The following TFAP2E variants were observed in gnomAD, a reference collection of about 807,000 sequenced individuals.
TFAP2E encodes the protein transcription factor AP-2 epsilon.
A neutral mutation model predicts 37.9 loss-of-function variants in TFAP2E; 30 were observed. The observed-to-expected ratio is 0.79, with a 90% CI of 0.59 to 1.07. The LOEUF (loss-of-function observed/expected upper bound fraction) is 1.07. Ranked by LOEUF, TFAP2E falls within the 50% of genes least tolerant of loss-of-function variation. TFAP2E has a pLI of 0.00. For synonymous variants in TFAP2E, 318 were observed against 295.8 expected (o/e 1.08, Z -0.77); for missense variants, 567 against 637.9 (o/e 0.89, Z 1.20).
intron 3 of TFAP2E, among the ~76,000 whole-genome samples, chr1:35,582,067 G>C (rs2148548861): frequency 6.6e-6 from 1 of 151,994 alleles, no homozygotes; most frequent in East Asian, 1.9e-4. Flanking sequence ...GTTGAGACGG[G>C]GTTTCACCAC....
chr1:35,589,235 T>TGTGTGA (rs1207787722), intron 4 of TFAP2E, among the ~76,000 whole-genome samples: 1 of 137,610 alleles, frequency 7.3e-6, no homozygotes, highest in Non-Finnish European at 1.6e-5. Flanking sequence ...TGTGTGTGTG[T>TGTGTGA]GATTGCCTGT....
rs1201877464 is a variant in TFAP2E, at chr1:35,577,127, G to A, written c.562+2127G>A. Among the ~76,000 whole-genome samples the A allele has an allele frequency of 6.6e-6, 1 of 152,244 alleles. No individual in the cohort carries two copies. The highest frequency in any genetic ancestry group is 1.5e-5 in the Non-Finnish European group (1 of 68,040). On this transcript the variant is annotated intron_variant, in intron 3 of 6. Coordinates refer to ENST00000373235, the MANE Select transcript of TFAP2E (RefSeq NM_178548.4). The surrounding 1 kb of genome is among the most constrained non-coding windows in gnomAD (Gnocchi z 6.3). ...GCGCCCTGGACGCCCCAGCCTAGACGTCAAGTTACAGCCCGCGCAGCAGCA... is the reference window on the plus strand; with the variant it reads ...GCGCCCTGGACGCCCCAGCCTAGACATCAAGTTACAGCCCGCGCAGCAGCA...
intron 3 of TFAP2E, among the ~76,000 whole-genome samples, chr1:35,587,680 T>C (rs932707695): frequency 6.7e-6 from 1 of 149,650 alleles, no homozygotes; most frequent in Non-Finnish European, 1.5e-5. Context: ...AAAATTAACT[T>C]CTCAGATTCC....
chr1:35,590,588 G>C lies in TFAP2E; in HGVS notation c.905-46G>C. The C allele has an allele frequency of 2.1e-6, 3 of 1,416,750 alleles. No homozygotes were observed. The highest frequency in any genetic ancestry group is 2.8e-6 in the Non-Finnish European group (3 of 1,074,516). The allele number at this position is 1,416,750 out of a possible 1,614,324, so 87.8% of individuals were successfully genotyped here. On this transcript the variant is annotated intron_variant, in intron 5 of 6. Coordinates refer to ENST00000373235, the MANE Select transcript of TFAP2E (RefSeq NM_178548.4). The surrounding 1 kb of genome is among the most constrained non-coding windows in gnomAD (Gnocchi z 6.2). ...GTCAGAGGTTCAAAGCTGTGTTCCA[G>C]GCGCAGAGGTACACCCTGCAGTAGT...
At position 35,574,028 on chromosome 1, in the gene TFAP2E, C is replaced by T; in HGVS notation, c.129C>T (p.Ala43=). ...CGCCCCCGCTCTGCCACACGCCGGCCGCCACAGCTGCCGCCGAATTCCAGC... is the reference window on the plus strand; with the variant it reads ...CGCCCCCGCTCTGCCACACGCCGGCTGCCACAGCTGCCGCCGAATTCCAGC... The part of the protein sequence containing the change: ...GPAPPLCHTP[A]ATAAAEFQPP... The change falls in exon 2 of 7, where the codon GCC becomes GCT. Residue 43 remains alanine (A), a synonymous_variant. Coordinates refer to ENST00000373235, the MANE Select transcript of TFAP2E (RefSeq NM_178548.4). 1.3e-6 allele frequency: 2 copies of T among 1,485,866 alleles called. No homozygotes were observed. Among genetic ancestry groups the T allele is most frequent in the Non-Finnish European group, 8.9e-7 (1 of 1,124,174 alleles). 92.0% of individuals were successfully genotyped at this position (1,485,866 alleles called of 1,614,324 possible).
intron 3 of TFAP2E, among the ~76,000 whole-genome samples, chr1:35,579,050 C>G (rs1408503295): frequency 7.6e-6 from 1 of 131,482 alleles, no homozygotes; most frequent in East Asian, 2.6e-4. Flanking sequence ...CCACTGTACT[C>G]CAGCCTGGAC....
chr1:35,586,924 T>C (rs1448720981), intron 3 of TFAP2E, among the ~76,000 whole-genome samples: 1 of 152,246 alleles, frequency 6.6e-6, no homozygotes, highest in Non-Finnish European at 1.5e-5. Flanking sequence ...GCACCGCCTT[T>C]GAGACTGCAG....
intron 3 of TFAP2E, among the ~76,000 whole-genome samples, chr1:35,587,034 T>C (rs572120506): frequency 6.6e-6 from 1 of 152,300 alleles, no homozygotes; most frequent in Admixed American, 6.5e-5. Flanking sequence ...AAAATGGGAA[T>C]AGTGATAAGT....
intron 3 of TFAP2E, among the ~76,000 whole-genome samples, chr1:35,583,023 C>G (rs1649395816): frequency 6.6e-6 from 1 of 152,094 alleles, no homozygotes. Context: ...CTGCCTCAGC[C>G]TCCCAAGTAG....
At chr1:35,581,576 CTT>C (rs34241641) in intron 3 of TFAP2E, among the ~76,000 whole-genome samples, 7 of 141,910 alleles carry the variant, frequency 4.9e-5, no homozygotes, top group Admixed American at 7.0e-5. Context: ...TCTTTTTTTT[CTT>C]TTTTTTTTTT....
At chr1:35,586,334 T>A (rs1649479437) in intron 3 of TFAP2E, among the ~76,000 whole-genome samples, 2 of 152,276 alleles carry the variant, frequency 1.3e-5, no homozygotes, top group African/African-American at 4.8e-5. Context: ...CATTGACAGG[T>A]GAAATTATAG....
At chr1:35,587,402 G>A (rs1649511062) in intron 3 of TFAP2E, among the ~76,000 whole-genome samples, 2 of 152,092 alleles carry the variant, frequency 1.3e-5, no homozygotes, top group African/African-American at 4.8e-5. Flanking sequence ...CACTTTGGGA[G>A]GCCGAGGCGG....
chr1:35,583,600 A>G (rs1649408101), intron 3 of TFAP2E, among the ~76,000 whole-genome samples: 1 of 127,420 alleles, frequency 7.8e-6, no homozygotes, highest in Non-Finnish European at 1.6e-5. Flanking sequence ...TTGTGTCTGC[A>G]GGAGTGTGTG....
At position 35,573,787 on chromosome 1, in the gene TFAP2E, G is replaced by T. The variant is rs1044370704; in HGVS notation, c.28-140G>T. The T allele has an allele frequency of 1.5e-6, 2 of 1,372,144 alleles. No individual in the cohort carries two copies. The highest frequency in any genetic ancestry group is 1.9e-6 in the Non-Finnish European group (2 of 1,053,368). The allele number at this position is 1,372,144 out of a possible 1,614,324, so 85.0% of individuals were successfully genotyped here. A position where few individuals can be genotyped will look rare whatever the true frequency, so the allele number is the denominator to read the frequency against. On this transcript the variant is annotated intron_variant, in intron 1 of 6. Coordinates refer to ENST00000373235, the MANE Select transcript of TFAP2E (RefSeq NM_178548.4). This position sits in a 1 kb window ranked among gnomAD's most constrained non-coding sequence, Gnocchi z 5.9. The stretch of plus-strand genomic sequence containing the variant: ...CCCAGCCTGAGGCTCCTGCGCCCGC[G>T]GGTGGCTCGGAAATAAACCTCGGGC...
At chr1:35,575,854 G>A (rs1191018340) in intron 3 of TFAP2E, among the ~76,000 whole-genome samples, 1 of 152,204 alleles carries the variant, frequency 6.6e-6, no homozygotes, top group Non-Finnish European at 1.5e-5. Context: ...GTGACTCCTG[G>A]CATTAGTAAA....
chr1:35,586,675 G>A (rs2148551064), intron 3 of TFAP2E, among the ~76,000 whole-genome samples: 1 of 152,236 alleles, frequency 6.6e-6, no homozygotes, highest in Admixed American at 6.5e-5. Flanking sequence ...ATGTGGTGAT[G>A]GATGGGGTGT....
chr1:35,589,988 A>G lies in TFAP2E; in HGVS notation c.844A>G (p.Asn282Asp), dbSNP rs1649610182. 1 of 1,614,030 alleles carries G rather than the reference A, an allele frequency of 6.2e-7. No individual in the cohort carries two copies. The highest frequency in any genetic ancestry group is 1.7e-5 in the Admixed American group (1 of 60,006). ...LRERLEKIGLNLPAGRRKAAN... is the reference protein window; with the variant it reads ...LRERLEKIGLDLPAGRRKAAN... ...GGAACGGTTAGAGAAGATTGGGCTC[A>G]ACCTGCCAGCTGGCCGTCGCAAGGC... is the stretch of plus-strand genomic sequence containing the variant. The change falls in exon 5 of 7, where the codon AAC becomes GAC. Residue 282 changes from asparagine (N) to aspartate (D), a missense_variant. This residue lies in a region of TFAP2E where 252 missense variants were observed against 302.6 expected (regional missense o/e 0.83). Transcript: ENST00000373235.
chr1:35,594,815 T>G lies in TFAP2E; in HGVS notation c.*139T>G. On this transcript the variant is annotated 3_prime_UTR_variant, in exon 7 of 7. Transcript: ENST00000373235. ...AACATTCATCCAGAGATCCCAGAGT[T>G]GGGGATCTGGCTTGGAGTAAGGGAG... The G allele has an allele frequency of 7.5e-7, 1 of 1,329,958 alleles. No homozygotes were observed. The highest frequency in any genetic ancestry group is 1.0e-6 in the Non-Finnish European group (1 of 980,292). The allele number at this position is 1,329,958 out of a possible 1,614,324, so 82.4% of individuals were successfully genotyped here. A position where few individuals can be genotyped will look rare whatever the true frequency, so the allele number is the denominator to read the frequency against.
intron 4 of TFAP2E, 32 bp from the exon 5 acceptor site, chr1:35,589,898 T>C (rs1356666825): frequency 1.2e-6 from 2 of 1,608,214 alleles, no homozygotes; most frequent in Admixed American, 3.3e-5. Flanking sequence ...GTCTTCATAG[T>C]TGTATGTCTG....
Sources: allele counts gnomAD v4.1 joint callset (sites outside exome capture counted in the v4.1 genomes callset), GRCh38; gene constraint gnomAD v4.1.1; regional missense constraint gnomAD v4.1.1; non-coding constraint Gnocchi (gnomAD v3.1); transcripts MANE v1.5; gene names NCBI Gene and HGNC (gene_info 2026-07-23, HGNC 2026-07-21).